Variants in ABCA5 observed in about 807,000 individuals in gnomAD.
ABCA5 encodes cholesterol transporter ABCA5.
A neutral mutation model predicts 206.0 loss-of-function variants in ABCA5; 163 were observed. The observed-to-expected ratio is 0.79, with a 90% CI of 0.70 to 0.90. The LOEUF (loss-of-function observed/expected upper bound fraction) is 0.90, where lower values mean the gene tolerates loss of function less well. ABCA5 is among the 40% of genes least tolerant of loss of function. The pLI is 0.00. For missense variants in ABCA5, 1,859 were observed against 1,912.9 expected (o/e 0.97, Z 0.53); for synonymous variants, 609 against 613.8 (o/e 0.99, Z 0.11).
At chr17:69,277,518 G>T in intron 19 of ABCA5, 123 bp downstream of exon 19, 1 of 715,356 alleles carries the variant, frequency 1.4e-6, no homozygotes, top group Non-Finnish European at 2.1e-6. Context: ...AAATTACAGT[G>T]GTAATCTTTC....
rs1011993803 is a variant in ABCA5 at position 69,262,768 on chromosome 17, A to T, written c.3316-1020T>A. On this transcript the variant is annotated intron_variant, in intron 24 of 38. Transcript: ENST00000392676. The stretch of plus-strand genomic sequence containing the variant: ...CCCAGTAATGGGGTTTCTGAGTTAT[A>T]AGGTAGTTCTGTTTTAAGTTTTTTG... Among the ~76,000 whole-genome samples, 20 of 150,656 alleles carry T rather than the reference A, an allele frequency of 1.3e-4. No individual in the cohort carries two copies. The East Asian group carries it at 3.9e-3, about 29-fold the overall frequency.
chr17:69,309,515 T>C, intron 3 of ABCA5, 92 bp from the exon 4 acceptor site: 3 of 961,610 alleles, frequency 3.1e-6, no homozygotes, highest in Non-Finnish European at 4.4e-6. Context: ...GAATGGAATA[T>C]TTTATAAACA....
At chr17:69,284,345 G>A (rs2075428410) in intron 17 of ABCA5, among the ~76,000 whole-genome samples, 1 of 151,932 alleles carries the variant, frequency 6.6e-6, no homozygotes, top group South Asian at 2.1e-4. Flanking sequence ...CTAAGTAACA[G>A]GCTTAACATT....
rs769221566 is a variant in ABCA5, at chr17:69,277,673, G to A, written c.2562C>T (p.Thr854=). Residue 854 remains threonine, a synonymous_variant, in exon 19 of 39, where the codon ACC becomes ACT. Transcript: ENST00000392676. ...MYTIAKFHFF[T]LKRESKSVRS... ...TCACTGATTTACTTTCACGTTTCAA[G>A]GTAAAGAAATGAAACTTTGCTATTG... 3.7e-6 allele frequency: 6 copies of A among 1,611,000 alleles called. 1 individual carries two copies. The South Asian group carries it at 5.5e-5, about 15-fold the overall frequency.
intron 12 of ABCA5, among the ~76,000 whole-genome samples, 199 bp from the exon 13 acceptor site, chr17:69,290,236 A>C (rs2075511039): frequency 6.6e-6 from 1 of 152,130 alleles, no homozygotes; most frequent in African/African-American, 2.4e-5. Context: ...TCCATCACTT[A>C]CAGGTCATAT....
chr17:69,253,526 G>C, intron 34 of ABCA5, 47 bp downstream of exon 34: 1 of 1,277,380 alleles, frequency 7.8e-7, no homozygotes, highest in Non-Finnish European at 1.1e-6. Flanking sequence ...AAAAGAAACT[G>C]TTCTATTCTA....
intron 35 of ABCA5, chr17:69,251,236 G>C (rs2075009870): frequency 6.5e-6 from 1 of 153,382 alleles, no homozygotes. Flanking sequence ...CAACTGTAAA[G>C]TTACTATTTT....
intron 8 of ABCA5, among the ~76,000 whole-genome samples, chr17:69,301,897 A>G (rs1263015789): frequency 3.3e-5 from 5 of 152,168 alleles, no homozygotes; most frequent in African/African-American, 7.2e-5. Flanking sequence ...GATAAATTCA[A>G]TGACACTGAA....
In ABCA5 at chr17:69,254,437, C is replaced by A; in HGVS notation, c.4122G>T (p.Lys1374Asn). ...TTATCTGAGGACAGTAACCCATACA[C>A]TTCAGTGAATCATCATCTTCACTTG... The part of the protein sequence containing the change: ...SETSEDDDSL[K>N]CMGYCPQINP... Residue 1374 changes from lysine to asparagine, a missense_variant, in exon 32 of 39, where the codon AAG (lysine) becomes AAT (asparagine). Coordinates refer to ENST00000392676, the MANE Select transcript of ABCA5 (RefSeq NM_172232.4). 1 of 1,613,410 alleles carries A rather than the reference C, an allele frequency of 6.2e-7. No individual in the cohort carries two copies. The highest frequency in any genetic ancestry group is 8.5e-7 in the Non-Finnish European group (1 of 1,179,720).
chr17:69,272,696 C>T (rs909765865), intron 20 of ABCA5, among the ~76,000 whole-genome samples: 3 of 150,226 alleles, frequency 2.0e-5, no homozygotes, highest in South Asian at 2.1e-4. Flanking sequence ...ATTTTCCATT[C>T]GAGTAATTTT....
chr17:69,287,550 CT>C (rs1170168454), intron 15 of ABCA5, 62 bp downstream of exon 15: 1 of 1,537,332 alleles, frequency 6.5e-7, no homozygotes, highest in Non-Finnish European at 8.8e-7. Context: ...GAATTAGCAT[CT>C]CTATATCCAT....
intron 3 of ABCA5, among the ~76,000 whole-genome samples, chr17:69,310,142 GTTATT>G (rs1841016966): frequency 6.6e-6 from 1 of 151,834 alleles, no homozygotes; most frequent in Non-Finnish European, 1.5e-5. Flanking sequence ...AAATAACTTC[GTTATT>G]TTATTTTATA....
chr17:69,303,381 T>C (rs1217138764), intron 7 of ABCA5, among the ~76,000 whole-genome samples: 2 of 152,084 alleles, frequency 1.3e-5, no homozygotes, highest in African/African-American at 2.4e-5. Flanking sequence ...CCTCCCAAAG[T>C]GCTGGGATTA....
rs574061307 is a variant in ABCA5, at chr17:69,250,343, TCA to T, written c.4685+127_4685+128del. 6.1e-4 allele frequency: 412 copies of T among 670,730 alleles called. 3 individuals carry two copies. In the African/African-American group the frequency reaches 6.7e-3, roughly 11 times the overall value. The allele number at this position is 670,730 out of a possible 1,614,324, so 41.5% of individuals were successfully genotyped here. ...TATATGAAAAAATATACATATATATTCACACACAGAGATATATATATATATGG... is the reference window on the plus strand; with the variant it reads ...TATATGAAAAAATATACATATATATTCACACAGAGATATATATATATATGG... On this transcript the variant is annotated intron_variant, in intron 36 of 38. Transcript: ENST00000392676.
At chr17:69,252,401 G>C (rs1214199106) in intron 34 of ABCA5, among the ~76,000 whole-genome samples, 1 of 152,040 alleles carries the variant, frequency 6.6e-6, no homozygotes, top group Non-Finnish European at 1.5e-5. Flanking sequence ...TGTTAATATG[G>C]GCTAAAAGTA....
chr17:69,250,648 C>G, intron 35 of ABCA5, 27 bp from the exon 36 acceptor site: 1 of 1,504,854 alleles, frequency 6.6e-7, no homozygotes, highest in South Asian at 1.3e-5. Flanking sequence ...AAAGAAAGCT[C>G]AGATATAAAA....
intron 9 of ABCA5, among the ~76,000 whole-genome samples, chr17:69,298,700 A>G (rs920205126): frequency 1.3e-5 from 2 of 152,190 alleles, no homozygotes; most frequent in African/African-American, 4.8e-5. Flanking sequence ...TCAACTCAAG[A>G]TAGATAAAAG....
At chr17:69,307,336 T>G (rs990601490) in intron 5 of ABCA5, among the ~76,000 whole-genome samples, 43 of 152,068 alleles carry the variant, frequency 2.8e-4, no homozygotes, top group Non-Finnish European at 3.5e-4. Context: ...ATTCCTATGA[T>G]TGTTTAAAAA....
chr17:69,261,017 C>T, intron 26 of ABCA5, 108 bp downstream of exon 26: 2 of 841,122 alleles, frequency 2.4e-6, no homozygotes, highest in Non-Finnish European at 1.8e-6. Flanking sequence ...CAAGTAGTAG[C>T]CATTAGCCCA....
Sources: gnomAD v4.1 joint callset for allele counts (sites outside exome capture counted in the v4.1 genomes callset) on GRCh38, gnomAD v4.1.1 for gene constraint, MANE v1.5 for transcripts, NCBI Gene and HGNC (gene_info 2026-07-23, HGNC 2026-07-21) for gene names.